The following FAM13A variants were observed in gnomAD, a reference collection of about 807,000 sequenced individuals.
FAM13A encodes family with sequence similarity 13 member A.
FAM13A carries 76 observed loss-of-function variants against 129.6 expected under a neutral mutation model. The observed-to-expected ratio is 0.59, with a 90% confidence interval of 0.49 to 0.71. FAM13A has a LOEUF of 0.71. Ranked by LOEUF, FAM13A falls within the 30% of genes least tolerant of loss-of-function variation. FAM13A has a pLI of 0.00. For synonymous variants in FAM13A, 443 were observed against 449.9 expected (o/e 0.98, Z 0.20); for missense variants, 1,108 against 1,249.3 (o/e 0.89, Z 1.70).
Position 88,841,373 on chromosome 4 carries a change from A to G in FAM13A, c.1007+9647T>C, listed in dbSNP as rs372071019. On this transcript the variant is annotated intron_variant, in intron 7 of 23. Coordinates refer to ENST00000264344, the MANE Select transcript of FAM13A (RefSeq NM_014883.4). Reference sequence around the variant, plus strand: ...GCCAGGCATGGTGGCATGCGCCTGTAATCCCAGCTACTCAGGAGGCTGAGG... The same window carrying G: ...GCCAGGCATGGTGGCATGCGCCTGTGATCCCAGCTACTCAGGAGGCTGAGG... 5.3e-5 allele frequency among the ~76,000 whole-genome samples: 8 copies of G among 152,150 alleles called. No individual in the cohort carries two copies. In the East Asian group the frequency reaches 1.4e-3, roughly 26 times the overall value.
chr4:88,731,778 G>C (rs1035480947), intron 22 of FAM13A: 3 of 529,484 alleles, frequency 5.7e-6, no homozygotes, highest in Admixed American at 3.5e-5. Flanking sequence ...CCTTTAGAGA[G>C]AGAACTTCTG....
intron 6 of FAM13A, among the ~76,000 whole-genome samples, chr4:88,902,917 A>C (rs1299579166): frequency 6.6e-6 from 1 of 152,216 alleles, no homozygotes; most frequent in Non-Finnish European, 1.5e-5. Context: ...AAATCTCAGG[A>C]TACAAAAGAA....
chr4:88,990,676 T>C, intron 4 of FAM13A: 3 of 248,570 alleles, frequency 1.2e-5, no homozygotes, highest in Non-Finnish European at 2.1e-5. Context: ...CTAATCAACA[T>C]TTCTGATTAC....
chr4:88,794,942 T>C (rs780938910), intron 8 of FAM13A, among the ~76,000 whole-genome samples: 14 of 151,878 alleles, frequency 9.2e-5, no homozygotes, highest in Non-Finnish European at 1.3e-4. Flanking sequence ...ATATTTGTTA[T>C]GGTATAATGG....
At chr4:88,856,816 AAAC>A (rs1738592185) in intron 6 of FAM13A, among the ~76,000 whole-genome samples, 1 of 152,204 alleles carries the variant, frequency 6.6e-6, no homozygotes, top group Non-Finnish European at 1.5e-5. Context: ...CATGTTCGTT[AAAC>A]TCATAATCTT....
intron 11 of FAM13A, among the ~76,000 whole-genome samples, chr4:88,780,086 T>C (rs1274657409): frequency 6.6e-6 from 1 of 152,180 alleles, no homozygotes; most frequent in Non-Finnish European, 1.5e-5. Flanking sequence ...ATTCTTTATT[T>C]TGAGAATTGT....
At chr4:88,912,546 CCT>C (rs1213617714) in intron 5 of FAM13A, among the ~76,000 whole-genome samples, 2 of 142,312 alleles carry the variant, frequency 1.4e-5, no homozygotes, top group Non-Finnish European at 1.5e-5. Context: ...TAATAAATCA[CCT>C]CTCTCTTTAC....
intron 3 of FAM13A, among the ~76,000 whole-genome samples, chr4:89,004,907 A>AT (rs202140744): frequency 5.3e-5 from 8 of 150,728 alleles, no homozygotes; most frequent in South Asian, 2.1e-4. Flanking sequence ...CTTTCTAGAA[A>AT]TTTTTTTTTT....
intron 19 of FAM13A, among the ~76,000 whole-genome samples, chr4:88,743,955 G>T (rs1740770300): frequency 1.3e-5 from 2 of 152,178 alleles, no homozygotes; most frequent in African/African-American, 4.8e-5. Flanking sequence ...AGACAAAATG[G>T]GATGGATTCT....
At chr4:88,875,003 T>G (rs74710229) in intron 6 of FAM13A, among the ~76,000 whole-genome samples, 2 of 151,682 alleles carry the variant, frequency 1.3e-5, no homozygotes, top group South Asian at 4.2e-4. Flanking sequence ...TACAAGCATA[T>G]GATCTTTGAC....
At chr4:88,972,297 C>T (rs940947240) in intron 4 of FAM13A, among the ~76,000 whole-genome samples, 1 of 97,120 alleles carries the variant, frequency 1.0e-5, no homozygotes, top group Admixed American at 1.1e-4. Context: ...GCTTCTCCTT[C>T]ACTTTTTTTT....
chr4:89,032,749 T>C (rs910744978), intron 1 of FAM13A, among the ~76,000 whole-genome samples: 10 of 152,300 alleles, frequency 6.6e-5, no homozygotes, highest in Admixed American at 5.2e-4. Context: ...AAATCCAGAC[T>C]GTGTTTTGAG....
chr4:88,923,490 CA>C (rs545950966), intron 5 of FAM13A, among the ~76,000 whole-genome samples: 94 of 152,222 alleles, frequency 6.2e-4, no homozygotes, highest in African/African-American at 2.2e-3. Flanking sequence ...AGGCCTTTGA[CA>C]AAATTCAACA....
At chr4:88,976,043 C>A (rs780545321) in intron 4 of FAM13A, among the ~76,000 whole-genome samples, 24 of 152,156 alleles carry the variant, frequency 1.6e-4, no homozygotes, top group Admixed American at 5.9e-4. Context: ...CTGCTCTCTT[C>A]CCAAGACAGA....
chr4:89,044,854 G>A (rs766199265), intron 1 of FAM13A, among the ~76,000 whole-genome samples: 1 of 151,744 alleles, frequency 6.6e-6, no homozygotes, highest in African/African-American at 2.4e-5. Flanking sequence ...CCACTAATAC[G>A]AGATACCTAG....
intron 3 of FAM13A, among the ~76,000 whole-genome samples, chr4:89,018,882 T>C (rs762043262): frequency 4.0e-4 from 61 of 152,252 alleles, no homozygotes; most frequent in Non-Finnish European, 5.0e-4. Flanking sequence ...CTCTGCCTTG[T>C]GACTGACCTC....
chr4:88,888,011 G>A (rs1431988640), intron 6 of FAM13A, among the ~76,000 whole-genome samples: 1 of 152,140 alleles, frequency 6.6e-6, no homozygotes, highest in Non-Finnish European at 1.5e-5. Context: ...CAATTTGGCT[G>A]CAGCCTATTT....
At chr4:88,937,889 C>T (rs1314244107) in intron 5 of FAM13A, 199 bp downstream of exon 5, 2 of 573,584 alleles carry the variant, frequency 3.5e-6, no homozygotes, top group South Asian at 2.3e-5. Flanking sequence ...CATAAAATTG[C>T]TATTATTCTT....
intron 1 of FAM13A, among the ~76,000 whole-genome samples, chr4:89,055,932 T>C (rs1450199215): frequency 6.6e-6 from 1 of 152,178 alleles, no homozygotes; most frequent in African/African-American, 2.4e-5. Context: ...TTGGTGTCTG[T>C]GTGTCAAAAA....
Sources: allele counts gnomAD v4.1 joint callset (sites outside exome capture counted in the v4.1 genomes callset), GRCh38; gene constraint gnomAD v4.1.1; transcripts MANE v1.5; gene names NCBI Gene and HGNC (gene_info 2026-07-23, HGNC 2026-07-21).